GRXCR1: variants seen among roughly 807,000 people sequenced by gnomAD.
GRXCR1 encodes glutaredoxin and cysteine rich domain containing 1.
A neutral mutation model predicts 27.3 loss-of-function variants in GRXCR1; 27 were observed. That is an observed-to-expected ratio of 0.99 (90% CI 0.73 to 1.37). The LOEUF is 1.37. Among genes scored for constraint, GRXCR1 ranks in the 40% most tolerant of loss-of-function variants. GRXCR1 has a pLI of 0.00. For synonymous variants in GRXCR1, 122 were observed against 131.1 expected (o/e 0.93, Z 0.47); for missense variants, 379 against 354.4 (o/e 1.07, Z -0.56).
intron 1 of GRXCR1, among the ~76,000 whole-genome samples, chr4:42,911,863 T>C (rs190339973): frequency 6.6e-6 from 1 of 152,172 alleles, no homozygotes; most frequent in Non-Finnish European, 1.5e-5. Flanking sequence ...ATAACTTACA[T>C]TAAAAATGGG....
chr4:42,948,705 G>A (rs1747804611), intron 1 of GRXCR1, among the ~76,000 whole-genome samples: 1 of 151,980 alleles, frequency 6.6e-6, no homozygotes, highest in African/African-American at 2.4e-5. Context: ...GATGAAGTTA[G>A]GGTTCTTGAG....
intron 2 of GRXCR1, among the ~76,000 whole-genome samples, chr4:43,008,793 G>A (rs1024649710): frequency 5.9e-4 from 90 of 152,302 alleles, no homozygotes; most frequent in African/African-American, 2.2e-3. Context: ...CAATATTCCT[G>A]TAACACTTGT....
intron 1 of GRXCR1, among the ~76,000 whole-genome samples, chr4:42,954,656 A>C (rs1246683792): frequency 1.3e-5 from 2 of 152,124 alleles, no homozygotes; most frequent in East Asian, 1.9e-4. Flanking sequence ...GTGATAAATA[A>C]TTATTTTTTA....
intron 2 of GRXCR1, among the ~76,000 whole-genome samples, chr4:43,016,444 C>T (rs1413875157): frequency 5.9e-5 from 9 of 152,086 alleles, no homozygotes; most frequent in African/African-American, 1.7e-4. Flanking sequence ...TCTCCTTTAA[C>T]GAAAAATTTT....
chr4:42,992,144 A>G (rs1711994018), intron 2 of GRXCR1, among the ~76,000 whole-genome samples: 2 of 152,132 alleles, frequency 1.3e-5, no homozygotes, highest in South Asian at 4.1e-4. Context: ...GGTGATGGAT[A>G]GAGGGGCTAT....
intron 3 of GRXCR1, among the ~76,000 whole-genome samples, chr4:43,025,098 G>C (rs1380030360): frequency 1.3e-5 from 2 of 151,974 alleles, no homozygotes. Context: ...GCATAACTGG[G>C]GGTAAACTTA....
At position 42,963,031 on chromosome 4, in the gene GRXCR1, T is replaced by C. The variant is rs757049868; in HGVS notation, c.524T>C (p.Ile175Thr). 1.3e-5 allele frequency: 21 copies of C among 1,612,844 alleles called. No individual in the cohort carries two copies. The highest frequency in any genetic ancestry group is 1.7e-5 in the Admixed American group (1 of 59,894). The stretch of plus-strand genomic sequence containing the variant: ...CGCGTAAAATTTGAAGAGAAAAACA[T>C]AGCCCTGAATGGTGAATATGGAAAA... ...NHRVKFEEKN[I>T]ALNGEYGKEL... is the part of the protein sequence containing the mutation. The change falls in exon 2 of 4, where the codon ATA (isoleucine) becomes ACA (threonine). Residue 175 changes from isoleucine to threonine, a missense_variant. Physicochemically the swap from Ile to Thr is moderately conservative, Grantham distance 89. Transcript: ENST00000399770.
chr4:42,999,519 G>A (rs2109795509), intron 2 of GRXCR1, among the ~76,000 whole-genome samples: 1 of 152,220 alleles, frequency 6.6e-6, no homozygotes, highest in East Asian at 1.9e-4. Flanking sequence ...TTCTTTGGAA[G>A]TAAAAACAAA....
intron 1 of GRXCR1, among the ~76,000 whole-genome samples, chr4:42,903,308 A>T (rs1746506171): frequency 1.6e-5 from 1 of 63,228 alleles, no homozygotes; most frequent in African/African-American, 5.4e-5. Flanking sequence ...AGCTTTGTAG[A>T]TTTTTTTTTT....
intron 1 of GRXCR1, among the ~76,000 whole-genome samples, chr4:42,950,471 A>C (rs1179470116): frequency 6.6e-6 from 1 of 152,184 alleles, no homozygotes; most frequent in Non-Finnish European, 1.5e-5. Context: ...GAGATTAGCA[A>C]AATGTAAAAT....
At chr4:43,022,347 C>A (rs16855233) in intron 3 of GRXCR1, among the ~76,000 whole-genome samples, 9,769 of 152,044 alleles carry the variant, frequency 0.064, 962 homozygotes, top group African/African-American at 0.22. Context: ...AACTTTTATT[C>A]CATTGAGTCT....
At chr4:42,988,585 ATTTT>A (rs1026121839) in intron 2 of GRXCR1, among the ~76,000 whole-genome samples, 1 of 152,182 alleles carries the variant, frequency 6.6e-6, no homozygotes, top group Non-Finnish European at 1.5e-5. Context: ...TTATAAGTAT[ATTTT>A]TCCTTTGTAG....
intron 2 of GRXCR1, among the ~76,000 whole-genome samples, chr4:42,976,403 A>G (rs1037808186): frequency 1.3e-5 from 2 of 152,078 alleles, no homozygotes; most frequent in Non-Finnish European, 2.9e-5. Context: ...ATTTTTCTGT[A>G]TGTTTTATAT....
At chr4:42,909,116 T>C (rs1361009941) in intron 1 of GRXCR1, among the ~76,000 whole-genome samples, 1 of 152,184 alleles carries the variant, frequency 6.6e-6, no homozygotes, top group Non-Finnish European at 1.5e-5. Flanking sequence ...ACGCTTTAGA[T>C]AGCATCTTCA....
intron 2 of GRXCR1, among the ~76,000 whole-genome samples, chr4:42,984,552 A>T (rs1711620489): frequency 6.6e-6 from 1 of 152,214 alleles, no homozygotes; most frequent in Admixed American, 6.5e-5. Context: ...TAGCCCTTCA[A>T]CAGTCAGCTC....
In GRXCR1 at chr4:42,925,627, A is replaced by G. The variant is rs531094420; in HGVS notation, c.384+31977A>G. On this transcript the variant is annotated intron_variant, in intron 1 of 3. Coordinates refer to ENST00000399770, the MANE Select transcript of GRXCR1 (RefSeq NM_001080476.3). ...TGTCTTCAAAAAATATGCTAAATTC[A>G]TGTAAAAATGTTGCAGTCTATTTCC... 4.6e-5 allele frequency among the ~76,000 whole-genome samples: 7 copies of G among 152,150 alleles called. No individual in the cohort carries two copies. The South Asian group carries it at 6.2e-4, about 14-fold the overall frequency.
chr4:42,928,689 G>A (rs1055518880), intron 1 of GRXCR1, among the ~76,000 whole-genome samples: 4 of 152,132 alleles, frequency 2.6e-5, no homozygotes, highest in Non-Finnish European at 5.9e-5. Context: ...AGCAAGGGGA[G>A]AGATTGGGCC....
At chr4:43,020,556 T>C (rs1713062387) in intron 3 of GRXCR1, 137 bp downstream of exon 3, 2 of 693,926 alleles carry the variant, frequency 2.9e-6, no homozygotes, top group East Asian at 2.7e-5. Context: ...GCAGTTTTAA[T>C]TTGATATCTT....
intron 1 of GRXCR1, among the ~76,000 whole-genome samples, chr4:42,938,681 A>G (rs1747516392): frequency 6.6e-6 from 1 of 151,948 alleles, no homozygotes; most frequent in Admixed American, 6.6e-5. Context: ...ATTTTTGTAT[A>G]TGGTGAGAGA....
Sources: allele counts gnomAD v4.1 joint callset (sites outside exome capture counted in the v4.1 genomes callset), GRCh38; gene constraint gnomAD v4.1.1; transcripts MANE v1.5; gene names NCBI Gene and HGNC (gene_info 2026-07-23, HGNC 2026-07-21).